The following HS6ST3 variants were observed in gnomAD, a reference collection of about 807,000 sequenced individuals.
HS6ST3 encodes heparan-sulfate 6-O-sulfotransferase 3.
Under a neutral mutation model 36.7 loss-of-function variants are expected in HS6ST3, and 12 were observed. The ratio of observed to expected loss-of-function variants is 0.33; its 90% confidence interval spans 0.21 to 0.53. The LOEUF is 0.53. HS6ST3 is among the 20% of genes least tolerant of loss of function. The probability of loss-of-function intolerance (pLI) is 0.95; values close to 1 mark genes in which losing one functional copy is unlikely to be tolerated. For missense variants in HS6ST3, 584 were observed against 640.9 expected (o/e 0.91, Z 0.96); for synonymous variants, 240 against 257.5 (o/e 0.93, Z 0.65).
At chr13:96,450,396 C>G (rs1233421419) in intron 1 of HS6ST3, among the ~76,000 whole-genome samples, 1 of 152,194 alleles carries the variant, frequency 6.6e-6, no homozygotes, top group East Asian at 1.9e-4. Context: ...AAAAATCTCA[C>G]TGTCGTTGAC....
chr13:96,589,631 T>A lies in HS6ST3; in HGVS notation c.708-242859T>A, dbSNP rs529637191. On this transcript the variant is annotated intron_variant, in intron 1 of 1. Coordinates refer to ENST00000376705, the MANE Select transcript of HS6ST3 (RefSeq NM_153456.4). ...TCTTGCAGCCTTAGATTATTTTAGATCTTTCTGTTTTTTGATATGGGTGTG... is the reference window on the plus strand; with the variant it reads ...TCTTGCAGCCTTAGATTATTTTAGAACTTTCTGTTTTTTGATATGGGTGTG... Among the ~76,000 whole-genome samples, 97 of 152,254 alleles carry A rather than the reference T, an allele frequency of 6.4e-4. No homozygotes were observed. In the Middle Eastern group the frequency reaches 0.024, roughly 37 times the overall value.
intron 1 of HS6ST3, among the ~76,000 whole-genome samples, chr13:96,654,607 T>C (rs959700631): frequency 6.6e-6 from 1 of 152,188 alleles, no homozygotes; most frequent in Non-Finnish European, 1.5e-5. Flanking sequence ...TTTTTGTTAC[T>C]GCAGCCTTGT....
intron 1 of HS6ST3, among the ~76,000 whole-genome samples, chr13:96,671,400 A>G (rs543189390): frequency 9.2e-5 from 14 of 152,272 alleles, no homozygotes; most frequent in African/African-American, 2.9e-4. Flanking sequence ...CCAACTAACT[A>G]CAAAGATGTA....
At chr13:96,640,447 T>A (rs1315887382) in intron 1 of HS6ST3, among the ~76,000 whole-genome samples, 1 of 152,084 alleles carries the variant, frequency 6.6e-6, no homozygotes, top group East Asian at 1.9e-4. Context: ...TTAATTTCCT[T>A]ATAGATTCTG....
chr13:96,789,967 G>T (rs1877743185), intron 1 of HS6ST3, among the ~76,000 whole-genome samples: 1 of 151,780 alleles, frequency 6.6e-6, no homozygotes, highest in Non-Finnish European at 1.5e-5. Context: ...TGAAATTCAA[G>T]ATGTTTTGGG....
At position 96,660,773 on chromosome 13, in the gene HS6ST3, TTGTTTCTGGA is replaced by T. The variant is rs113681618; in HGVS notation, c.708-171713_708-171704del. Among the ~76,000 whole-genome samples, 71 of 152,234 alleles carry T rather than the reference TTGTTTCTGGA, an allele frequency of 4.7e-4. 1 individual carries two copies. The highest frequency in any genetic ancestry group is 1.6e-3 in the African/African-American group (68 of 41,562). On this transcript the variant is annotated intron_variant, in intron 1 of 1. Transcript: ENST00000376705. The stretch of plus-strand genomic sequence containing the variant: ...TGATTGGATTGAAGGATGCAAAGTA[TTGTTTCTGGA>T]TGTATCTTGGTGTTTCTGGGAGTTT...
At chr13:96,388,192 A>G (rs1464382076) in intron 1 of HS6ST3, among the ~76,000 whole-genome samples, 1 of 152,234 alleles carries the variant, frequency 6.6e-6, no homozygotes, top group African/African-American at 2.4e-5. Flanking sequence ...GCAATTGTGA[A>G]CAAATTCTAT....
chr13:96,503,839 A>G (rs1005816611), intron 1 of HS6ST3, among the ~76,000 whole-genome samples: 5 of 152,188 alleles, frequency 3.3e-5, no homozygotes, highest in Admixed American at 2.6e-4. Flanking sequence ...CTTAAACAAC[A>G]AACATTTATT....
At chr13:96,319,864 G>C (rs2054995035) in intron 1 of HS6ST3, among the ~76,000 whole-genome samples, 1 of 152,090 alleles carries the variant, frequency 6.6e-6, no homozygotes, top group African/African-American at 2.4e-5. Context: ...GAGTCAGAAA[G>C]TTTTCCAATA....
chr13:96,330,124 G>T (rs1378472874), intron 1 of HS6ST3, among the ~76,000 whole-genome samples: 2 of 137,748 alleles, frequency 1.5e-5, no homozygotes, highest in African/African-American at 2.7e-5. Context: ...GATGGGTCTT[G>T]ACTCTTTATC....
At chr13:96,493,081 G>A (rs575865053) in intron 1 of HS6ST3, among the ~76,000 whole-genome samples, 2 of 152,288 alleles carry the variant, frequency 1.3e-5, no homozygotes, top group South Asian at 2.1e-4. Flanking sequence ...CCAAGGTCAT[G>A]TTTCTTGCTG....
chr13:96,362,313 A>T (rs146838878), intron 1 of HS6ST3, among the ~76,000 whole-genome samples: 3,584 of 152,350 alleles, frequency 0.024, 55 homozygotes, highest in Non-Finnish European at 0.037. Context: ...CTTATTGAAT[A>T]TAATTTGATT....
chr13:96,183,098 GATA>G (rs2139341054), intron 1 of HS6ST3, among the ~76,000 whole-genome samples: 1 of 152,244 alleles, frequency 6.6e-6, no homozygotes, highest in African/African-American at 2.4e-5. Flanking sequence ...AAATGTTGTG[GATA>G]ATAACAATCA....
intron 1 of HS6ST3, among the ~76,000 whole-genome samples, chr13:96,517,759 C>A (rs772473539): frequency 2.0e-5 from 3 of 152,114 alleles, no homozygotes; most frequent in African/African-American, 4.8e-5. Context: ...TGCCACCCCC[C>A]ACTCTCAAGC....
chr13:96,332,803 T>C (rs1437035316), intron 1 of HS6ST3, among the ~76,000 whole-genome samples: 2 of 152,256 alleles, frequency 1.3e-5, no homozygotes, highest in African/African-American at 2.4e-5. Context: ...AAACACATAA[T>C]ACATTGTCCT....
chr13:96,492,815 A>C (rs1211350051), intron 1 of HS6ST3, among the ~76,000 whole-genome samples: 1 of 152,084 alleles, frequency 6.6e-6, no homozygotes, highest in Non-Finnish European at 1.5e-5. Flanking sequence ...GCTCACTCCA[A>C]ATGGGGGTTG....
At chr13:96,474,005 C>T (rs1289991248) in intron 1 of HS6ST3, among the ~76,000 whole-genome samples, 2 of 152,194 alleles carry the variant, frequency 1.3e-5, no homozygotes, top group Non-Finnish European at 2.9e-5. Flanking sequence ...TGTGTTGTCG[C>T]TTGGCTTTCC....
At chr13:96,768,371 T>G (rs1389945578) in intron 1 of HS6ST3, among the ~76,000 whole-genome samples, 1 of 150,280 alleles carries the variant, frequency 6.7e-6, no homozygotes, top group Non-Finnish European at 1.5e-5. Context: ...CCGACAGTGA[T>G]TTGGGGCCTG....
intron 1 of HS6ST3, among the ~76,000 whole-genome samples, chr13:96,135,434 A>T (rs2053997009): frequency 6.6e-6 from 1 of 152,206 alleles, no homozygotes; most frequent in Non-Finnish European, 1.5e-5. Context: ...CTTAAAAATC[A>T]TGTCATATGA....
Sources: gnomAD v4.1 joint callset for allele counts (sites outside exome capture counted in the v4.1 genomes callset) on GRCh38, gnomAD v4.1.1 for gene constraint, MANE v1.5 for transcripts, NCBI Gene and HGNC (gene_info 2026-07-23, HGNC 2026-07-21) for gene names.